PDE1A: variants seen among roughly 807,000 people sequenced by gnomAD.
The protein encoded by PDE1A is phosphodiesterase 1A.
In PDE1A, 35 loss-of-function variants were observed where a neutral mutation model predicts 61.7. That is an observed-to-expected ratio of 0.57 (90% CI 0.43 to 0.75). The LOEUF (loss-of-function observed/expected upper bound fraction) is 0.75. Ranked by LOEUF, PDE1A falls within the 30% of genes least tolerant of loss-of-function variation. The probability of loss-of-function intolerance (pLI) is 0.00; values close to 1 mark genes in which losing one functional copy is unlikely to be tolerated. For synonymous variants in PDE1A, 232 were observed against 213.2 expected (o/e 1.09, Z -0.77); for missense variants, 597 against 630.6 (o/e 0.95, Z 0.57).
chr2:182,455,901 TATA>T (rs1685885218), intron 2 of PDE1A, among the ~76,000 whole-genome samples: 1 of 147,250 alleles, frequency 6.8e-6, no homozygotes, highest in Non-Finnish European at 1.5e-5. Flanking sequence ...AAACTTAAAG[TATA>T]ATAATAATAA....
chr2:182,165,033 G>C (rs1277855145), downstream of PDE1A, among the ~76,000 whole-genome samples: 1 of 152,124 alleles, frequency 6.6e-6, no homozygotes, highest in Admixed American at 6.6e-5. Context: ...TCCTGAAGAA[G>C]CTGGCTTCTA....
Position 182,181,380 on chromosome 2 carries a change from G to T in PDE1A, c.1516+4512C>A, listed in dbSNP as rs141980101. On this transcript the variant is annotated intron_variant, in intron 13 of 13. Coordinates refer to ENST00000351439, the Ensembl canonical transcript of PDE1A. ...GCAGGTCTGCTGCAGTTTGATGGGG[G>T]TCCACTCCAGACCCTGTCACCTAGG... 3.3e-3 allele frequency among the ~76,000 whole-genome samples: 498 copies of T among 152,284 alleles called. 1 individual carries two copies. The highest frequency in any genetic ancestry group is 0.012 in the African/African-American group (482 of 41,560).
At chr2:182,506,083 A>C (rs1377737898) in intron 2 of PDE1A, among the ~76,000 whole-genome samples, 1 of 152,208 alleles carries the variant, frequency 6.6e-6, no homozygotes, top group Non-Finnish European at 1.5e-5. Context: ...GCATAACTAA[A>C]TATCAGAAAA....
intron 2 of PDE1A, among the ~76,000 whole-genome samples, chr2:182,512,654 A>G (rs1457486270): frequency 2.6e-5 from 4 of 152,218 alleles, no homozygotes; most frequent in Admixed American, 2.0e-4. Context: ...ATGGAAAATT[A>G]TTGCAATTCA....
intron 2 of PDE1A, among the ~76,000 whole-genome samples, chr2:182,256,042 T>C (rs1371039342): frequency 1.9e-4 from 17 of 87,928 alleles, no homozygotes; most frequent in African/African-American, 5.8e-4. Flanking sequence ...TGACTTCTTT[T>C]TTTTTTTTTT....
At chr2:182,273,987 G>A (rs187563701) in intron 1 of PDE1A, among the ~76,000 whole-genome samples, 8 of 152,200 alleles carry the variant, frequency 5.3e-5, no homozygotes, top group East Asian at 1.9e-4. Flanking sequence ...ATCCCTGACC[G>A]AGGTGTTGGC....
At chr2:182,281,422 A>G (rs933452051) in intron 1 of PDE1A, among the ~76,000 whole-genome samples, 4 of 151,966 alleles carry the variant, frequency 2.6e-5, no homozygotes, top group African/African-American at 7.2e-5. Flanking sequence ...TGGTCATGCA[A>G]CTTTAAAATG....
intron 1 of PDE1A, among the ~76,000 whole-genome samples, chr2:182,332,547 G>A: frequency 6.6e-6 from 1 of 152,134 alleles, no homozygotes; most frequent in East Asian, 1.9e-4. Flanking sequence ...TGGGGTTTTT[G>A]TGTGGATGTC....
intron 1 of PDE1A, among the ~76,000 whole-genome samples, chr2:182,271,675 C>G (rs537689437): frequency 2.6e-4 from 39 of 152,226 alleles, no homozygotes; most frequent in Non-Finnish European, 4.3e-4. Context: ...TCAAGTGTTT[C>G]TGGTCAGTGT....
At chr2:182,395,217 T>G (rs922075570) in intron 1 of PDE1A, among the ~76,000 whole-genome samples, 1 of 152,234 alleles carries the variant, frequency 6.6e-6, no homozygotes, top group Admixed American at 6.5e-5. Context: ...AGACCAGCAG[T>G]ATACCTTTAC....
At chr2:182,266,850 A>T (rs1376213939) in intron 1 of PDE1A, among the ~76,000 whole-genome samples, 1 of 152,198 alleles carries the variant, frequency 6.6e-6, no homozygotes, top group Non-Finnish European at 1.5e-5. Context: ...ATGGTAGAAA[A>T]GAAAAAATGG....
chr2:182,391,537 A>G (rs1461526484), intron 1 of PDE1A, among the ~76,000 whole-genome samples: 1 of 152,130 alleles, frequency 6.6e-6, no homozygotes, highest in Non-Finnish European at 1.5e-5. Context: ...CTTCACCAAT[A>G]CCTTGCAAAA....
At chr2:182,654,603 A>G in the PDE1A span, among the ~76,000 whole-genome samples, 1 of 152,090 alleles carries the variant, frequency 6.6e-6, no homozygotes, top group Non-Finnish European at 1.5e-5. Flanking sequence ...TTTTTTCAAC[A>G]TGTAATCTGA....
At chr2:182,357,797 T>A (rs1480788023) in intron 1 of PDE1A, among the ~76,000 whole-genome samples, 1 of 152,248 alleles carries the variant, frequency 6.6e-6, no homozygotes, top group Non-Finnish European at 1.5e-5. Context: ...GACTTGATTT[T>A]AATTTAAATT....
chr2:182,321,517 C>CA (rs1696688617), intron 1 of PDE1A, among the ~76,000 whole-genome samples: 1 of 151,906 alleles, frequency 6.6e-6, no homozygotes, highest in East Asian at 1.9e-4. Context: ...ATGAAAAGAA[C>CA]AAAATACAAT....
At chr2:182,304,739 T>C (rs1310558157) in intron 1 of PDE1A, among the ~76,000 whole-genome samples, 1 of 152,152 alleles carries the variant, frequency 6.6e-6, no homozygotes, top group Non-Finnish European at 1.5e-5. Context: ...CATTTATCAA[T>C]TGAGTTGGCC....
intron 1 of PDE1A, among the ~76,000 whole-genome samples, chr2:182,363,989 T>C: frequency 6.6e-6 from 1 of 152,024 alleles, no homozygotes; most frequent in East Asian, 1.9e-4. Context: ...CACCCATTTG[T>C]AATATGCATC....
chr2:182,482,904 A>C (rs1687791635), intron 2 of PDE1A, among the ~76,000 whole-genome samples: 1 of 152,000 alleles, frequency 6.6e-6, no homozygotes, highest in Non-Finnish European at 1.5e-5. Flanking sequence ...GCAGATTATC[A>C]GACTGCACGC....
chr2:182,248,003 G>A (rs943942425), intron 2 of PDE1A, among the ~76,000 whole-genome samples: 6 of 151,990 alleles, frequency 3.9e-5, no homozygotes, highest in Non-Finnish European at 7.4e-5. Context: ...AACATACAAC[G>A]TGAAAAAATG....
Sources: allele counts gnomAD v4.1 joint callset (sites outside exome capture counted in the v4.1 genomes callset), GRCh38; gene constraint gnomAD v4.1.1; transcripts MANE v1.5; gene names NCBI Gene and HGNC (gene_info 2026-07-23, HGNC 2026-07-21).